CDH4: variants seen among roughly 807,000 people sequenced by gnomAD.
CDH4 encodes cadherin-4.
Under a neutral mutation model 86.0 loss-of-function variants are expected in CDH4, and 33 were observed. That is an observed-to-expected ratio of 0.38 (90% CI 0.29 to 0.51). CDH4 has a LOEUF of 0.51. Ranked by LOEUF, CDH4 falls within the 20% of genes least tolerant of loss-of-function variation. The pLI is 0.86. For missense variants in CDH4, 1,114 were observed against 1,307.4 expected (o/e 0.85, Z 2.28); for synonymous variants, 555 against 549.4 (o/e 1.01, Z -0.14).
At chr20:61,917,434 G>A (rs563154833) in intron 9 of CDH4, among the ~76,000 whole-genome samples, 4 of 152,220 alleles carry the variant, frequency 2.6e-5, no homozygotes, top group South Asian at 2.1e-4. Flanking sequence ...GCCAAGAACC[G>A]GCCTCTGCCA....
chr20:61,569,437 G>T (rs961542996), intron 2 of CDH4, among the ~76,000 whole-genome samples: 1 of 152,090 alleles, frequency 6.6e-6, no homozygotes, highest in Non-Finnish European at 1.5e-5. Flanking sequence ...CACAATGTCT[G>T]CTCTAGTCTC....
At chr20:61,719,833 G>A (rs952325705) in intron 2 of CDH4, 3 of 152,238 alleles carry the variant, frequency 2.0e-5, no homozygotes, top group African/African-American at 7.2e-5. Flanking sequence ...GCTTGTAATT[G>A]TTTTTTAAAT....
chr20:61,364,257 GA>G (rs1233177991), intron 2 of CDH4, among the ~76,000 whole-genome samples: 2 of 152,174 alleles, frequency 1.3e-5, no homozygotes, highest in African/African-American at 4.8e-5. Flanking sequence ...GTCTCCCAGG[GA>G]ACCCACATGG....
chr20:61,539,116 C>T (rs62199203), intron 2 of CDH4, among the ~76,000 whole-genome samples: 1 of 152,138 alleles, frequency 6.6e-6, no homozygotes, highest in Non-Finnish European at 1.5e-5. Context: ...ACTCCACACG[C>T]TCTGCTGCTG....
intron 2 of CDH4, among the ~76,000 whole-genome samples, chr20:61,686,401 G>A (rs998540028): frequency 7.9e-5 from 12 of 151,764 alleles, no homozygotes; most frequent in Admixed American, 5.2e-4. Context: ...GTGCATTCAC[G>A]TGTGTATGTG....
At chr20:61,344,239 C>G (rs2084664814) in intron 2 of CDH4, among the ~76,000 whole-genome samples, 1 of 152,064 alleles carries the variant, frequency 6.6e-6, no homozygotes, top group Non-Finnish European at 1.5e-5. Flanking sequence ...TGTGTGTATT[C>G]TTACACCCTT....
chr20:61,740,573 C>G (rs1219107782), intron 2 of CDH4: 2 of 152,228 alleles, frequency 1.3e-5, no homozygotes, highest in African/African-American at 4.8e-5. Context: ...GCAGGTCCCC[C>G]CAACAACTGG....
At position 61,544,791 on chromosome 20, in the gene CDH4, C is replaced by G. The variant is rs1167115072; in HGVS notation, c.170-198772C>G. Among the ~76,000 whole-genome samples, 1 of 152,160 alleles carries G rather than the reference C, an allele frequency of 6.6e-6. No homozygotes were observed. Among genetic ancestry groups the G allele is most frequent in the African/African-American group, 2.4e-5 (1 of 41,448 alleles). ...TGGACTGGAAGCCTGACTCCCCCGA[C>G]AGCCCTCCCTGCCCCCGAGGAAGGA... On this transcript the variant is annotated intron_variant, in intron 2 of 15. Coordinates refer to ENST00000614565, the MANE Select transcript of CDH4 (RefSeq NM_001794.5). This position sits in a 1 kb window ranked among gnomAD's most constrained non-coding sequence, Gnocchi z 6.5.
chr20:61,421,209 G>A (rs977194978), intron 2 of CDH4, among the ~76,000 whole-genome samples: 4 of 152,190 alleles, frequency 2.6e-5, no homozygotes, highest in African/African-American at 9.7e-5. Flanking sequence ...GCTGGCTGGT[G>A]GCTGCATGGC....
intron 7 of CDH4, among the ~76,000 whole-genome samples, chr20:61,878,643 T>C (rs1984146044): frequency 6.6e-6 from 1 of 152,198 alleles, no homozygotes; most frequent in Non-Finnish European, 1.5e-5. Flanking sequence ...GGTCATCCCC[T>C]TGGGCCAGTC....
At chr20:61,487,087 A>C (rs2085600952) in intron 2 of CDH4, among the ~76,000 whole-genome samples, 2 of 152,208 alleles carry the variant, frequency 1.3e-5, no homozygotes. Context: ...TTTTACATTT[A>C]GGTCTGTGAT....
chr20:61,612,330 T>C lies in CDH4; in HGVS notation c.170-131233T>C, dbSNP rs933772914. The stretch of plus-strand genomic sequence containing the variant: ...GTCAAACACTAGGTCTTATTTCTTC[T>C]GTCAAACTGTATATTTGTAACCAAT... On this transcript the variant is annotated intron_variant, in intron 2 of 15. Transcript: ENST00000614565. Among the ~76,000 whole-genome samples the C allele has an allele frequency of 2.0e-5, 3 of 152,298 alleles. No homozygotes were observed. The East Asian group carries it at 5.8e-4, about 29-fold the overall frequency.
At chr20:61,697,264 G>C (rs758034450) in intron 2 of CDH4, among the ~76,000 whole-genome samples, 2 of 152,170 alleles carry the variant, frequency 1.3e-5, no homozygotes, top group Non-Finnish European at 2.9e-5. Flanking sequence ...CCACACCCAG[G>C]CGAGTCTGGA....
At chr20:61,634,313 G>C (rs1345651161) in intron 2 of CDH4, among the ~76,000 whole-genome samples, 1 of 152,124 alleles carries the variant, frequency 6.6e-6, no homozygotes, top group Admixed American at 6.5e-5. Flanking sequence ...AGCACCTTCC[G>C]AGCCCCCAGA....
At chr20:61,832,283 G>A (rs1981659857) in intron 4 of CDH4, among the ~76,000 whole-genome samples, 1 of 152,210 alleles carries the variant, frequency 6.6e-6, no homozygotes, top group African/African-American at 2.4e-5. Flanking sequence ...GTGATCTTGG[G>A]TGAGTGACTC....
intron 4 of CDH4, among the ~76,000 whole-genome samples, chr20:61,808,642 G>A (rs1980265367): frequency 6.6e-6 from 1 of 152,222 alleles, no homozygotes; most frequent in African/African-American, 2.4e-5. Flanking sequence ...GGCCCTCGGA[G>A]CAGCTTCTCC....
intron 2 of CDH4, among the ~76,000 whole-genome samples, chr20:61,535,854 C>A (rs67241908): frequency 1.3e-5 from 2 of 152,112 alleles, no homozygotes; most frequent in Admixed American, 1.3e-4. Context: ...CCCCTGTTCC[C>A]GCTCCTGCCC....
At chr20:61,452,205 G>A (rs1300587974) in intron 2 of CDH4, among the ~76,000 whole-genome samples, 1 of 152,192 alleles carries the variant, frequency 6.6e-6, no homozygotes, top group Non-Finnish European at 1.5e-5. Context: ...CCACAAACAG[G>A]CAGGTGGCAG....
intron 2 of CDH4, among the ~76,000 whole-genome samples, chr20:61,407,690 C>G (rs752393985): frequency 6.6e-6 from 1 of 152,112 alleles, no homozygotes; most frequent in Non-Finnish European, 1.5e-5. Flanking sequence ...TTCTAGTAGC[C>G]CCATACTGGA....
Sources: gnomAD v4.1 joint callset for allele counts (sites outside exome capture counted in the v4.1 genomes callset) on GRCh38, gnomAD v4.1.1 for gene constraint, Gnocchi (gnomAD v3.1) non-coding constraint, MANE v1.5 for transcripts, NCBI Gene and HGNC (gene_info 2026-07-23, HGNC 2026-07-21) for gene names.